The following HNRNPM variants were observed in gnomAD, a reference collection of about 807,000 sequenced individuals.
The protein encoded by HNRNPM is CEA receptor.
HNRNPM carries 11 observed loss-of-function variants against 73.1 expected under a neutral mutation model. The observed-to-expected ratio is 0.15, with a 90% CI of 0.09 to 0.25. The LOEUF (loss-of-function observed/expected upper bound fraction) is 0.25. Ranked by LOEUF, HNRNPM falls within the 10% of genes least tolerant of loss-of-function variation. The pLI, the probability that HNRNPM is intolerant of heterozygous loss-of-function variation, is 1.00. For missense variants in HNRNPM, 789 were observed against 1,067.9 expected, an observed-to-expected ratio of 0.74 and a Z score of 3.64; for synonymous variants, 407 against 355.2, an observed-to-expected ratio of 1.15 and a Z score of -1.64.
At position 8,465,535 on chromosome 19, in the gene HNRNPM, G is replaced by A. The variant is rs576425523; in HGVS notation, c.630+20G>A. ...GCAAATGTAAGTAAACAGAACCATC[G>A]TCTAAAGTAGAAAATCAGAACTTTA... is the stretch of plus-strand genomic sequence containing the variant. On this transcript the variant is annotated intron_variant, in intron 6 of 15. Transcript: ENST00000325495. 59 of 1,508,004 alleles carry A rather than the reference G, an allele frequency of 3.9e-5. No individual in the cohort carries two copies. Among genetic ancestry groups the A allele is most frequent in the Admixed American group, 5.9e-5 (3 of 50,530 alleles). The allele number at this position is 1,508,004 out of a possible 1,614,324, so 93.4% of individuals were successfully genotyped here. A position where few individuals can be genotyped will look rare whatever the true frequency, so the allele number is the denominator to read the frequency against.
Position 8,489,075 on chromosome 19 carries a change from A to G in HNRNPM, c.*221A>G, listed in dbSNP as rs1971522826. The G allele has an allele frequency of 8.3e-6, 4 of 479,920 alleles. No homozygotes were observed. Among genetic ancestry groups the G allele is most frequent in the South Asian group, 5.0e-5 (2 of 40,156 alleles). 29.7% of individuals were successfully genotyped at this position (479,920 alleles called of 1,614,324 possible). A position where few individuals can be genotyped will look rare whatever the true frequency, so the allele number is the denominator to read the frequency against. On this transcript the variant is annotated 3_prime_UTR_variant, in exon 16 of 16. Transcript: ENST00000325495. ...TTTGTAGTTGTGGCATCTTGTTGAC[A>G]TCGAATATGACTTTGATAATAAATA...
At chr19:8,476,442 G>A (rs1187479226) in intron 12 of HNRNPM, among the ~76,000 whole-genome samples, 1 of 152,066 alleles carries the variant, frequency 6.6e-6, no homozygotes, top group Non-Finnish European at 1.5e-5. Flanking sequence ...AGGTTCCCAG[G>A]ACCCACACTC....
intron 11 of HNRNPM, among the ~76,000 whole-genome samples, 157 bp downstream of exon 11, chr19:8,473,865 G>A (rs1004945479): frequency 6.6e-6 from 1 of 151,958 alleles, no homozygotes; most frequent in African/African-American, 2.4e-5. Flanking sequence ...CTTCCAGCGG[G>A]TGTCTTGGCT....
intron 1 of HNRNPM, among the ~76,000 whole-genome samples, chr19:8,449,373 T>G (rs1968453959): frequency 6.6e-6 from 1 of 152,222 alleles, no homozygotes; most frequent in South Asian, 2.1e-4. Context: ...TTTGCTAGTC[T>G]GTAATGATTA....
Position 8,486,380 on chromosome 19 carries a change from A to C in HNRNPM, c.1952A>C (p.Lys651Thr). Residue 651 changes from lysine to threonine, a missense_variant, in exon 14 of 16, where the codon AAG (lysine) becomes ACG (threonine). By Grantham distance (78) the Lys-to-Thr change is moderately conservative. Coordinates refer to ENST00000325495, the MANE Select transcript of HNRNPM (RefSeq NM_005968.5). ...GGCCATGCTCCTGGGGTGGCCAGGA[A>C]GGCCTGCCAGATATTTGTGAGAAAT... ...AGGHAPGVARKACQIFVRNLP... is the reference protein window; with the variant it reads ...AGGHAPGVARTACQIFVRNLP... 1.3e-6 allele frequency: 2 copies of C among 1,571,942 alleles called. No homozygotes were observed. Among genetic ancestry groups the C allele is most frequent in the Non-Finnish European group, 1.7e-6 (2 of 1,165,580 alleles).
At chr19:8,468,625 C>T (rs59319088) in intron 8 of HNRNPM, 149 bp from the exon 9 acceptor site, 203,580 of 618,634 alleles carry the variant, frequency 0.33, 36,119 homozygotes, top group Admixed American at 0.45. Context: ...AAGCATGCTC[C>T]GCATGCCTTT....
chr19:8,447,591 G>A (rs1968293457), intron 1 of HNRNPM, among the ~76,000 whole-genome samples: 2 of 152,020 alleles, frequency 1.3e-5, no homozygotes, highest in Non-Finnish European at 2.9e-5. Context: ...GCTTTATCGA[G>A]AACTGAAGTT....
intron 12 of HNRNPM, among the ~76,000 whole-genome samples, chr19:8,476,748 C>T (rs1022111462): frequency 2.0e-5 from 3 of 152,144 alleles, no homozygotes; most frequent in Non-Finnish European, 4.4e-5. Flanking sequence ...CTGATGCCAG[C>T]CTGTGGCATG....
intron 14 of HNRNPM, among the ~76,000 whole-genome samples, chr19:8,486,649 CTGAT>C (rs55635857): frequency 0.85 from 128,544 of 151,944 alleles, 56,923 homozygotes; most frequent in East Asian, 0.98. Flanking sequence ...ACTCCAGTTT[CTGAT>C]TGGTTGGCTT....
intron 14 of HNRNPM, 131 bp downstream of exon 14, chr19:8,486,536 T>C: frequency 2.7e-6 from 2 of 741,572 alleles, no homozygotes; most frequent in South Asian, 1.9e-5. Flanking sequence ...GTCCCAAACG[T>C]TTTATGCTAG....
At chr19:8,488,510 G>C in intron 15 of HNRNPM, 181 bp from the exon 16 acceptor site, 1 of 506,756 alleles carries the variant, frequency 2.0e-6, no homozygotes, top group Non-Finnish European at 3.5e-6. Context: ...TCATGGGGCA[G>C]GGGCAGGCTC....
intron 2 of HNRNPM, among the ~76,000 whole-genome samples, chr19:8,456,984 A>G (rs1412094675): frequency 6.6e-6 from 1 of 152,144 alleles, no homozygotes; most frequent in African/African-American, 2.4e-5. Flanking sequence ...GAATTTCTGT[A>G]CAGTACAGTT....
At chr19:8,454,281 G>T (rs1968836934) in intron 1 of HNRNPM, among the ~76,000 whole-genome samples, 1 of 152,118 alleles carries the variant, frequency 6.6e-6, no homozygotes. Flanking sequence ...TACTTTCTGT[G>T]TATGGATTTG....
In HNRNPM at chr19:8,467,461, AT is replaced by A. The variant is rs1969833540; in HGVS notation, c.785-69del. The A allele has an allele frequency of 2.8e-6, 3 of 1,086,222 alleles. No homozygotes were observed. The Admixed American group carries it at 5.2e-5, about 19-fold the overall frequency. 67.3% of individuals were successfully genotyped at this position (1,086,222 alleles called of 1,614,324 possible). On this transcript the variant is annotated intron_variant, in intron 7 of 15. Transcript: ENST00000325495. ...TAGAGGGACTGGTAGCAGTTGGAGT[AT>A]TTTTCTTTCTTTTTGTATTTCTCTT...
Position 8,488,680 on chromosome 19 carries a change from C to G in HNRNPM, c.2030-11C>G. ...GACTGAGTGTCGTCTCTTCTTCCCT[C>G]CCTGTCCTAGGCCACGTGCTGTACG... On this transcript the variant is annotated splice_polypyrimidine_tract_variant and intron_variant, in intron 15 of 15. Coordinates refer to ENST00000325495, the MANE Select transcript of HNRNPM (RefSeq NM_005968.5). 1 of 1,606,426 alleles carries G rather than the reference C, an allele frequency of 6.2e-7. No homozygotes were observed. Among genetic ancestry groups the G allele is most frequent in the South Asian group, 1.1e-5 (1 of 90,632 alleles).
chr19:8,480,754 C>A (rs552550917), intron 12 of HNRNPM, among the ~76,000 whole-genome samples: 11 of 152,078 alleles, frequency 7.2e-5, no homozygotes, highest in African/African-American at 2.7e-4. Context: ...CAGCACCTCT[C>A]GCCTAATTCC....
chr19:8,466,177 ATGT>A, intron 6 of HNRNPM, 55 bp from the exon 7 acceptor site: 3 of 1,509,940 alleles, frequency 2.0e-6, no homozygotes, highest in Non-Finnish European at 2.7e-6. Context: ...TGTAGTAAAA[ATGT>A]TGTGTTTCTT....
chr19:8,468,407 A>G (rs186607075), intron 8 of HNRNPM, among the ~76,000 whole-genome samples: 2 of 152,360 alleles, frequency 1.3e-5, no homozygotes, highest in East Asian at 3.9e-4. Context: ...CAAATTCAGG[A>G]AAAAGATAAA....
chr19:8,457,018 G>A (rs1019812842), intron 2 of HNRNPM, among the ~76,000 whole-genome samples: 5 of 152,142 alleles, frequency 3.3e-5, no homozygotes, highest in Non-Finnish European at 5.9e-5. Flanking sequence ...ATTAGCTTTT[G>A]GAATAACCTC....
Sources: allele counts gnomAD v4.1 joint callset (sites outside exome capture counted in the v4.1 genomes callset), GRCh38; gene constraint gnomAD v4.1.1; transcripts MANE v1.5; gene names NCBI Gene and HGNC (gene_info 2026-07-23, HGNC 2026-07-21).